DPYD: variants seen among roughly 807,000 people sequenced by gnomAD.
The protein encoded by DPYD is dihydropyrimidine dehydrogenase [NADP(+)].
A neutral mutation model predicts 116.2 loss-of-function variants in DPYD; 109 were observed. The observed-to-expected ratio is 0.94, with a 90% CI of 0.80 to 1.10. The LOEUF (loss-of-function observed/expected upper bound fraction) is 1.10, where lower values mean the gene tolerates loss of function less well. Among genes scored for constraint, DPYD ranks in the 50% least tolerant of loss-of-function variants. DPYD has a pLI of 0.00. For synonymous variants in DPYD, 440 were observed against 432.0 expected (o/e 1.02, Z -0.23); for missense variants, 1,302 against 1,254.5 (o/e 1.04, Z -0.57).
chr1:97,150,267 TAA>T (rs34447969), intron 20 of DPYD, among the ~76,000 whole-genome samples: 2 of 148,766 alleles, frequency 1.3e-5, no homozygotes, highest in Admixed American at 6.7e-5. Context: ...CACTGTATCT[TAA>T]AAAAAAAAAA....
chr1:97,865,256 C>T (rs970182719), intron 2 of DPYD, among the ~76,000 whole-genome samples: 51 of 151,876 alleles, frequency 3.4e-4, no homozygotes, highest in African/African-American at 1.2e-3. Context: ...AGCTTGTTGA[C>T]TGAACCATAT....
chr1:97,142,997 C>G (rs1427097916), intron 20 of DPYD, among the ~76,000 whole-genome samples: 1 of 151,710 alleles, frequency 6.6e-6, no homozygotes, highest in Non-Finnish European at 1.5e-5. Context: ...GAAAAATTAC[C>G]AAGAATTTCT....
At chr1:97,164,476 GA>G (rs1372095861) in intron 20 of DPYD, among the ~76,000 whole-genome samples, 1 of 152,150 alleles carries the variant, frequency 6.6e-6, no homozygotes, top group Non-Finnish European at 1.5e-5. Context: ...GGGAAGAGAG[GA>G]AGTGAAACTA....
At chr1:97,829,699 A>G (rs1426862612) in intron 2 of DPYD, among the ~76,000 whole-genome samples, 1 of 151,990 alleles carries the variant, frequency 6.6e-6, no homozygotes, top group Admixed American at 6.6e-5. Flanking sequence ...TTGGCCCTGA[A>G]ATTCCTCATC....
chr1:97,788,694 A>C (rs889333396), intron 3 of DPYD, among the ~76,000 whole-genome samples: 1 of 152,224 alleles, frequency 6.6e-6, no homozygotes, highest in African/African-American at 2.4e-5. Flanking sequence ...ATCCAACCTG[A>C]TTTTCCCAAG....
chr1:97,726,639 T>G (rs1401107951), intron 4 of DPYD, among the ~76,000 whole-genome samples: 1 of 151,448 alleles, frequency 6.6e-6, no homozygotes, highest in South Asian at 2.1e-4. Flanking sequence ...AGTGTCCTTG[T>G]AATATAAAAA....
chr1:97,919,394 T>C (rs1459670424), intron 1 of DPYD, among the ~76,000 whole-genome samples: 1 of 152,234 alleles, frequency 6.6e-6, no homozygotes, highest in Admixed American at 6.5e-5. Flanking sequence ...AATGTTTCAC[T>C]GGCATCTTTC....
chr1:97,454,004 T>A (rs2101803833), intron 13 of DPYD, among the ~76,000 whole-genome samples: 1 of 152,194 alleles, frequency 6.6e-6, no homozygotes, highest in African/African-American at 2.4e-5. Context: ...CTTCTCAAAT[T>A]ACAGATGCCT....
intron 1 of DPYD, among the ~76,000 whole-genome samples, chr1:97,907,536 T>A (rs1328277213): frequency 1.3e-5 from 2 of 152,106 alleles, no homozygotes; most frequent in Non-Finnish European, 2.9e-5. Flanking sequence ...TTTAATAGCA[T>A]ATTTAGGATT....
At chr1:97,699,139 T>C (rs900383115) in intron 6 of DPYD, among the ~76,000 whole-genome samples, 1 of 152,064 alleles carries the variant, frequency 6.6e-6, no homozygotes, top group Non-Finnish European at 1.5e-5. Flanking sequence ...TTCACAGAAC[T>C]AGAGAGAAAA....
chr1:97,762,312 C>T (rs1665615999), intron 3 of DPYD, among the ~76,000 whole-genome samples: 1 of 152,008 alleles, frequency 6.6e-6, no homozygotes, highest in Non-Finnish European at 1.5e-5. Flanking sequence ...AGATTAACAC[C>T]TTTATATCCG....
chr1:97,401,107 T>A (rs1673350702), intron 14 of DPYD, among the ~76,000 whole-genome samples: 1 of 152,152 alleles, frequency 6.6e-6, no homozygotes, highest in Non-Finnish European at 1.5e-5. Flanking sequence ...TATCTGTTTA[T>A]CTTCTTTGAT....
In DPYD at chr1:97,078,932, T is replaced by G. The variant is rs1172315016; in HGVS notation, c.*44A>C. 2 of 1,602,884 alleles carry G rather than the reference T, an allele frequency of 1.2e-6. No individual in the cohort carries two copies. The highest frequency in any genetic ancestry group is 1.7e-6 in the Non-Finnish European group (2 of 1,169,954). On this transcript the variant is annotated 3_prime_UTR_variant, in exon 23 of 23. Coordinates refer to ENST00000370192, the MANE Select transcript of DPYD (RefSeq NM_000110.4). ...ATCATGATTTTAAAAGATCAGCATA[T>G]GTAGGTGACATGAAAGTTCACAGCA...
chr1:97,652,095 C>CA (rs1180507383), intron 8 of DPYD, among the ~76,000 whole-genome samples: 1 of 151,786 alleles, frequency 6.6e-6, no homozygotes, highest in African/African-American at 2.4e-5. Flanking sequence ...GATGATCTTA[C>CA]GGATCATGAG....
At chr1:97,411,454 C>T (rs1166083243) in intron 14 of DPYD, among the ~76,000 whole-genome samples, 2 of 151,908 alleles carry the variant, frequency 1.3e-5, no homozygotes, top group African/African-American at 2.4e-5. Context: ...TTTGAATTCA[C>T]GAGCTTCCAC....
intron 1 of DPYD, among the ~76,000 whole-genome samples, chr1:97,887,461 C>T (rs1361763499): frequency 1.6e-5 from 1 of 61,918 alleles, no homozygotes; most frequent in East Asian, 3.7e-4. Flanking sequence ...CAAAGTGAGA[C>T]TCTGCATTAA....
intron 19 of DPYD, among the ~76,000 whole-genome samples, chr1:97,226,677 A>C (rs1661190127): frequency 6.6e-6 from 1 of 152,168 alleles, no homozygotes; most frequent in African/African-American, 2.4e-5. Flanking sequence ...AGGAGGTGAA[A>C]GACCTGTATA....
intron 20 of DPYD, among the ~76,000 whole-genome samples, chr1:97,118,765 C>T (rs1306588078): frequency 6.6e-6 from 1 of 152,102 alleles, no homozygotes; most frequent in African/African-American, 2.4e-5. Flanking sequence ...CTACATAGAA[C>T]CAAATGGAAG....
chr1:97,137,444 TG>T (rs1157116031), intron 20 of DPYD, among the ~76,000 whole-genome samples: 1 of 152,260 alleles, frequency 6.6e-6, no homozygotes, highest in Non-Finnish European at 1.5e-5. Flanking sequence ...TAGTACATTG[TG>T]TAGCATTAAA....
Sources: gnomAD v4.1 joint callset for allele counts (sites outside exome capture counted in the v4.1 genomes callset) on GRCh38, gnomAD v4.1.1 for gene constraint, MANE v1.5 for transcripts, NCBI Gene and HGNC (gene_info 2026-07-23, HGNC 2026-07-21) for gene names.